SLC6A11: variants seen among roughly 807,000 people sequenced by gnomAD.
SLC6A11 encodes sodium- and chloride-dependent GABA transporter 3.
A neutral mutation model predicts 74.8 loss-of-function variants in SLC6A11; 25 were observed. The observed-to-expected ratio is 0.33, with a 90% confidence interval of 0.24 to 0.47. SLC6A11 has a LOEUF of 0.47. SLC6A11 is among the 20% of genes least tolerant of loss of function. The pLI, the probability that SLC6A11 is intolerant of heterozygous loss-of-function variation, is 1.00. For synonymous variants in SLC6A11, 330 were observed against 330.2 expected (o/e 1.00, Z 0.01); for missense variants, 574 against 837.0 (o/e 0.69, Z 3.88).
chr3:10,875,945 A>T (rs1694902725), intron 6 of SLC6A11, among the ~76,000 whole-genome samples: 1 of 152,138 alleles, frequency 6.6e-6, no homozygotes, highest in Non-Finnish European at 1.5e-5. Flanking sequence ...CTTTTAAAGG[A>T]CTCTAGGTCA....
At position 10,935,140 on chromosome 3, in the gene SLC6A11, C is replaced by G. The variant is rs1695743030; in HGVS notation, c.1687C>G (p.Leu563Val). The part of the protein sequence containing the change: ...IGWLMALSSM[L>V]CIPLWICITV... ...CTGGCTCATGGCCCTGTCCTCCATG[C>G]TCTGCATCCCGCTCTGGATCTGCAT... Residue 563 changes from leucine (L) to valine (V), a missense_variant, in exon 13 of 14, where the codon CTC (leucine) becomes GTC (valine). Leu to Val is a conservative substitution (Grantham distance 32, BLOSUM62 1). This residue lies in a region of SLC6A11 where 257 missense variants were observed against 341.5 expected (regional missense o/e 0.75). Coordinates refer to ENST00000254488, the MANE Select transcript of SLC6A11 (RefSeq NM_014229.3). 3 of 1,614,122 alleles carry G rather than the reference C, an allele frequency of 1.9e-6. No individual in the cohort carries two copies.
At chr3:10,833,570 T>C (rs1467761664) in intron 4 of SLC6A11, among the ~76,000 whole-genome samples, 1 of 152,128 alleles carries the variant, frequency 6.6e-6, no homozygotes, top group Admixed American at 6.5e-5. Context: ...GTTGTTGAAA[T>C]GCTATTTAAA....
intron 4 of SLC6A11, among the ~76,000 whole-genome samples, chr3:10,839,217 G>T (rs889439130): frequency 1.3e-5 from 2 of 152,102 alleles, no homozygotes; most frequent in Non-Finnish European, 2.9e-5. Flanking sequence ...AACAAATGTG[G>T]ATCAAACAAC....
intron 6 of SLC6A11, among the ~76,000 whole-genome samples, chr3:10,884,588 C>T (rs185489619): frequency 2.6e-5 from 4 of 152,286 alleles, no homozygotes; most frequent in East Asian, 3.9e-4. Flanking sequence ...GTGAGGGATA[C>T]GGTACTGAAA....
intron 6 of SLC6A11, among the ~76,000 whole-genome samples, chr3:10,901,785 AAAG>A (rs750921002): frequency 2.2e-4 from 33 of 152,314 alleles, no homozygotes; most frequent in Non-Finnish European, 2.2e-4. Context: ...GCATTAGCCG[AAAG>A]AAGGAGCAAG....
At chr3:10,893,138 C>G (rs1215420139) in intron 6 of SLC6A11, among the ~76,000 whole-genome samples, 1 of 152,108 alleles carries the variant, frequency 6.6e-6, no homozygotes, top group African/African-American at 2.4e-5. Flanking sequence ...CTTCTCCAGC[C>G]CTGTCACCTG....
chr3:10,865,295 G>A (rs541372420), intron 5 of SLC6A11, among the ~76,000 whole-genome samples: 8 of 152,316 alleles, frequency 5.3e-5, no homozygotes, highest in Admixed American at 1.3e-4. Context: ...CCATGCATGC[G>A]CCTTGTGCTT....
In SLC6A11 at chr3:10,920,069, T is replaced by C. The variant is rs548981560; in HGVS notation, c.1120+1616T>C. ...GCCTTCTCAGTAGTAGCATTGCTTC[T>C]GTGAGAATCCATGTCCTCCTCTGTA... On this transcript the variant is annotated intron_variant, in intron 8 of 13. Coordinates refer to ENST00000254488, the MANE Select transcript of SLC6A11 (RefSeq NM_014229.3). 4.6e-5 allele frequency among the ~76,000 whole-genome samples: 7 copies of C among 152,352 alleles called. No homozygotes were observed. In the East Asian group the frequency reaches 1.2e-3, roughly 25 times the overall value.
intron 5 of SLC6A11, among the ~76,000 whole-genome samples, chr3:10,846,507 CAG>C (rs1185434386): frequency 6.6e-6 from 1 of 152,148 alleles, no homozygotes; most frequent in East Asian, 1.9e-4. Flanking sequence ...CTGCAGGCTC[CAG>C]GCTGTGGGCT....
At chr3:10,854,325 G>A (rs1372381953) in intron 5 of SLC6A11, among the ~76,000 whole-genome samples, 2 of 152,132 alleles carry the variant, frequency 1.3e-5, no homozygotes, top group African/African-American at 2.4e-5. Flanking sequence ...GGAGGCAGAG[G>A]TTGCAGTGAG....
chr3:10,895,220 AT>A (rs1401996674), intron 6 of SLC6A11, among the ~76,000 whole-genome samples: 1 of 152,144 alleles, frequency 6.6e-6, no homozygotes, highest in East Asian at 1.9e-4. Flanking sequence ...TTAAAACTTA[AT>A]TTTTTTAATT....
chr3:10,860,548 G>A (rs1694690996), intron 5 of SLC6A11, among the ~76,000 whole-genome samples: 2 of 152,298 alleles, frequency 1.3e-5, no homozygotes, highest in South Asian at 4.1e-4. Flanking sequence ...TGAGAAGAAG[G>A]GAAAATCCAG....
intron 5 of SLC6A11, among the ~76,000 whole-genome samples, chr3:10,870,942 T>G (rs1489501134): frequency 1.3e-5 from 2 of 152,248 alleles, no homozygotes; most frequent in Non-Finnish European, 2.9e-5. Context: ...CCTTGATTTC[T>G]TTTCCCTTGG....
At chr3:10,912,321 G>A in intron 7 of SLC6A11, 128 bp downstream of exon 7, 1 of 678,178 alleles carries the variant, frequency 1.5e-6, no homozygotes. Flanking sequence ...CTGTTTGTTG[G>A]CCTCCCACTA....
intron 4 of SLC6A11, among the ~76,000 whole-genome samples, chr3:10,831,359 T>C (rs1386523402): frequency 1.1e-5 from 1 of 93,024 alleles, no homozygotes; most frequent in African/African-American, 8.4e-5. Flanking sequence ...ATGTGATAGT[T>C]AGAAAGGACA....
intron 6 of SLC6A11, among the ~76,000 whole-genome samples, chr3:10,898,154 C>A (rs1346533004): frequency 1.3e-5 from 2 of 152,130 alleles, no homozygotes; most frequent in Non-Finnish European, 2.9e-5. Context: ...CCCAGGACAC[C>A]ATTTTCTCCT....
intron 5 of SLC6A11, among the ~76,000 whole-genome samples, chr3:10,862,343 G>A (rs923037110): frequency 1.3e-5 from 2 of 152,140 alleles, no homozygotes; most frequent in Non-Finnish European, 2.9e-5. Flanking sequence ...TTTTGGGTTT[G>A]TTTTCTTTTC....
intron 5 of SLC6A11, among the ~76,000 whole-genome samples, chr3:10,873,971 T>TGCTACGCTACGCTACGCTACGCTAC (rs762939574): frequency 7.7e-6 from 1 of 130,518 alleles, no homozygotes; most frequent in South Asian, 2.2e-4. Context: ...CGCTATGCTA[T>TGCTACGCTACGCTACGCTACGCTAC]GCTACGCTAC....
chr3:10,846,602 T>A (rs1038231933), intron 5 of SLC6A11, among the ~76,000 whole-genome samples: 1 of 152,128 alleles, frequency 6.6e-6, no homozygotes, highest in Non-Finnish European at 1.5e-5. Flanking sequence ...GGCGATTAAG[T>A]CTGAGCGTTG....
Sources: allele counts gnomAD v4.1 joint callset (sites outside exome capture counted in the v4.1 genomes callset), GRCh38; gene constraint gnomAD v4.1.1; regional missense constraint gnomAD v4.1.1; transcripts MANE v1.5; gene names NCBI Gene and HGNC (gene_info 2026-07-23, HGNC 2026-07-21).